The following DPY19L2 variants were observed in gnomAD, a reference collection of about 807,000 sequenced individuals.
DPY19L2 encodes dpy-19 like 2, also known as probable C-mannosyltransferase DPY19L2.
A neutral mutation model predicts 97.9 loss-of-function variants in DPY19L2; 34 were observed. The ratio of observed to expected loss-of-function variants is 0.35; its 90% CI spans 0.26 to 0.46. The LOEUF is 0.46. Ranked by LOEUF, DPY19L2 falls within the 20% of genes least tolerant of loss-of-function variation. DPY19L2 has a pLI of 1.00. For missense variants in DPY19L2, 623 were observed against 911.4 expected (o/e 0.68, Z 4.07); for synonymous variants, 230 against 307.9 (o/e 0.75, Z 2.65).
At chr12:63,604,903 G>T (rs1235223554) in intron 12 of DPY19L2, among the ~76,000 whole-genome samples, 1 of 152,080 alleles carries the variant, frequency 6.6e-6, no homozygotes, top group East Asian at 1.9e-4. Context: ...ATGATGAGTG[G>T]TTTTTCTACT....
chr12:63,641,560 A>G (rs1029670858), intron 6 of DPY19L2, among the ~76,000 whole-genome samples: 2 of 151,892 alleles, frequency 1.3e-5, no homozygotes, highest in East Asian at 1.9e-4. Context: ...AGTATGGAGT[A>G]TTTTTTTTAA....
intron 13 of DPY19L2, among the ~76,000 whole-genome samples, chr12:63,599,163 C>A (rs1341268114): frequency 1.4e-5 from 2 of 138,458 alleles, no homozygotes; most frequent in Non-Finnish European, 3.1e-5. Context: ...CAGCATGAGA[C>A]TGTGTTTCAA....
intron 6 of DPY19L2, among the ~76,000 whole-genome samples, chr12:63,641,923 G>A (rs957866596): frequency 4.6e-5 from 7 of 152,136 alleles, no homozygotes; most frequent in African/African-American, 1.7e-4. Flanking sequence ...TCCACCTGTG[G>A]TGGATGAAAG....
intron 16 of DPY19L2, among the ~76,000 whole-genome samples, chr12:63,593,200 A>G (rs980826044): frequency 6.6e-6 from 1 of 152,184 alleles, no homozygotes; most frequent in African/African-American, 2.4e-5. Flanking sequence ...TGGGACTGTA[A>G]ACTAGTTCAA....
chr12:63,593,813 T>A (rs1883620275), intron 16 of DPY19L2, among the ~76,000 whole-genome samples: 3 of 151,994 alleles, frequency 2.0e-5, no homozygotes, highest in African/African-American at 4.8e-5. Flanking sequence ...AAAAAATAAA[T>A]CTTTAGCTTA....
chr12:63,571,739 A>G (rs1448946451), intron 19 of DPY19L2, among the ~76,000 whole-genome samples: 1 of 152,182 alleles, frequency 6.6e-6, no homozygotes, highest in Non-Finnish European at 1.5e-5. Flanking sequence ...GAGTAATAAC[A>G]TGTATAAATT....
chr12:63,633,883 A>G (rs1436990909), intron 6 of DPY19L2, among the ~76,000 whole-genome samples: 2 of 152,226 alleles, frequency 1.3e-5, no homozygotes, highest in East Asian at 1.9e-4. Flanking sequence ...CTATGCAGCC[A>G]TAAAAAATGA....
At chr12:63,604,236 T>A (rs1474384060) in intron 12 of DPY19L2, among the ~76,000 whole-genome samples, 1 of 152,172 alleles carries the variant, frequency 6.6e-6, no homozygotes, top group East Asian at 1.9e-4. Flanking sequence ...GTAGGTGATG[T>A]GTCATTTCTC....
At chr12:63,612,282 GTAGGTCAA>G (rs1472638168) in intron 11 of DPY19L2, among the ~76,000 whole-genome samples, 6 of 152,014 alleles carry the variant, frequency 3.9e-5, no homozygotes, top group Admixed American at 3.3e-4. Flanking sequence ...CAGGAATACA[GTAGGTCAA>G]TCTGGCTGTA....
At chr12:63,569,430 A>G in intron 20 of DPY19L2, 81 bp from the exon 21 acceptor site, 1 of 1,049,818 alleles carries the variant, frequency 9.5e-7, no homozygotes, top group Non-Finnish European at 1.3e-6. Context: ...TAGCAAATTG[A>G]AATCTCAATA....
rs547476045 is a variant in DPY19L2, at chr12:63,612,922, A to T, written c.1219-4247T>A. 3.9e-5 allele frequency among the ~76,000 whole-genome samples: 6 copies of T among 152,246 alleles called. No individual in the cohort carries two copies. In the South Asian group the frequency reaches 8.3e-4, roughly 21 times the overall value. On this transcript the variant is annotated intron_variant, in intron 11 of 21. Coordinates refer to ENST00000324472, the MANE Select transcript of DPY19L2 (RefSeq NM_173812.5). The stretch of plus-strand genomic sequence containing the variant: ...GAATTTGACATCATAAATAAAATTT[A>T]AAAATTCCTTGAAAGATACAACCAA...
In DPY19L2 at chr12:63,590,481, T is replaced by G. The variant is rs116366314; in HGVS notation, c.1580+3606A>C. ...TCAATCCTCAAAACATTGGTTTTTT[T>G]AAGACAAAAGTTATATATAATCTAA... is the stretch of plus-strand genomic sequence containing the variant. On this transcript the variant is annotated intron_variant, in intron 16 of 21. Transcript: ENST00000324472. Among the ~76,000 whole-genome samples, 1,149 of 152,226 alleles carry G rather than the reference T, an allele frequency of 7.5e-3. 21 individuals carry two copies. The highest frequency in any genetic ancestry group is 0.025 in the African/African-American group (1,045 of 41,532).
intron 6 of DPY19L2, among the ~76,000 whole-genome samples, chr12:63,627,891 G>A (rs1378283660): frequency 6.6e-6 from 1 of 152,082 alleles, no homozygotes; most frequent in Non-Finnish European, 1.5e-5. Flanking sequence ...AATTAATGAA[G>A]AAAGGAAGAA....
intron 16 of DPY19L2, chr12:63,584,246 A>G (rs1303488014): frequency 6.5e-6 from 1 of 154,220 alleles, no homozygotes; most frequent in African/African-American, 2.4e-5. Flanking sequence ...CTCATGCATA[A>G]AACTTTGTAA....
intron 21 of DPY19L2, among the ~76,000 whole-genome samples, chr12:63,561,583 C>G (rs2137234050): frequency 6.6e-6 from 1 of 151,704 alleles, no homozygotes; most frequent in Admixed American, 6.6e-5. Flanking sequence ...AGCTGTAGTT[C>G]CTACAACTTC....
intron 11 of DPY19L2, among the ~76,000 whole-genome samples, chr12:63,610,841 C>A (rs1299183436): frequency 6.5e-4 from 7 of 10,758 alleles, no homozygotes; most frequent in East Asian, 4.0e-3. Flanking sequence ...ATGAATATAG[C>A]AAAAAAAAAA....
At chr12:63,650,319 G>C (rs954602874) in intron 4 of DPY19L2, among the ~76,000 whole-genome samples, 1 of 152,118 alleles carries the variant, frequency 6.6e-6, no homozygotes, top group Non-Finnish European at 1.5e-5. Flanking sequence ...GTCCCAGCCA[G>C]AGCAATCAGG....
chr12:63,631,943 A>C (rs1890767668), intron 6 of DPY19L2, among the ~76,000 whole-genome samples: 1 of 152,114 alleles, frequency 6.6e-6, no homozygotes, highest in African/African-American at 2.4e-5. Context: ...CCAGCATATA[A>C]ACAGAACCAA....
At chr12:63,595,549 G>C (rs576435428) in intron 15 of DPY19L2, among the ~76,000 whole-genome samples, 9 of 152,120 alleles carry the variant, frequency 5.9e-5, no homozygotes, top group Non-Finnish European at 1.3e-4. Flanking sequence ...CTTTATATTT[G>C]AAAGATACTA....
Sources: allele counts gnomAD v4.1 joint callset (sites outside exome capture counted in the v4.1 genomes callset), GRCh38; gene constraint gnomAD v4.1.1; transcripts MANE v1.5; gene names NCBI Gene and HGNC (gene_info 2026-07-23, HGNC 2026-07-21).